Variants in KATNIP observed in about 807,000 individuals in gnomAD.
KATNIP encodes the protein katanin interacting protein.
A neutral mutation model predicts 174.0 loss-of-function variants in KATNIP; 126 were observed. The ratio of observed to expected loss-of-function variants is 0.72; its 90% CI spans 0.63 to 0.84. The LOEUF (loss-of-function observed/expected upper bound fraction) is 0.84. KATNIP is among the 40% of genes least tolerant of loss of function. KATNIP has a pLI of 0.00. For missense variants in KATNIP, 1,958 were observed against 2,109.7 expected (o/e 0.93, Z 1.41); for synonymous variants, 810 against 835.7 (o/e 0.97, Z 0.53).
At chr16:27,681,556 AG>A (rs2078342261) in intron 8 of KATNIP, 26 bp downstream of exon 8, 1 of 1,613,642 alleles carries the variant, frequency 6.2e-7, no homozygotes, top group African/African-American at 1.3e-5. Context: ...GCCCCTGAGC[AG>A]GGGAGCAGGG....
At chr16:27,733,579 ACACACAC>A (rs2143335466) in intron 14 of KATNIP, among the ~76,000 whole-genome samples, 1 of 144,184 alleles carries the variant, frequency 6.9e-6, no homozygotes, top group East Asian at 2.3e-4. Context: ...ACACACACAC[ACACACAC>A]ACACACACAC....
intron 1 of KATNIP, among the ~76,000 whole-genome samples, chr16:27,553,120 T>C (rs1030824636): frequency 1.3e-5 from 2 of 152,258 alleles, no homozygotes; most frequent in African/African-American, 4.8e-5. Flanking sequence ...TTTACCCATA[T>C]ATGGTTTTAT....
chr16:27,613,688 G>A (rs577550543), intron 2 of KATNIP, among the ~76,000 whole-genome samples: 3 of 152,250 alleles, frequency 2.0e-5, no homozygotes, highest in Non-Finnish European at 2.9e-5. Flanking sequence ...AAGGAGAATC[G>A]TGTATATGGA....
At chr16:27,680,536 G>GT (rs1452601314) in intron 7 of KATNIP, among the ~76,000 whole-genome samples, 8 of 152,170 alleles carry the variant, frequency 5.3e-5, no homozygotes, top group African/African-American at 1.9e-4. Context: ...TGTTTTGTTG[G>GT]TTTTTTCTGA....
At chr16:27,726,800 G>A (rs1376894023) in intron 14 of KATNIP, among the ~76,000 whole-genome samples, 4 of 152,210 alleles carry the variant, frequency 2.6e-5, no homozygotes, top group African/African-American at 9.6e-5. Context: ...TCCCCACAGG[G>A]CACAGCAGGA....
chr16:27,701,548 G>T, intron 10 of KATNIP, 41 bp from the exon 11 acceptor site: 4 of 1,476,982 alleles, frequency 2.7e-6, no homozygotes, highest in Non-Finnish European at 3.7e-6. Flanking sequence ...GGCCAGGAGT[G>T]TTGCCTGAGA....
At chr16:27,713,822 A>ATGTGTGTG (rs1261504841) in intron 13 of KATNIP, among the ~76,000 whole-genome samples, 4 of 40,772 alleles carry the variant, frequency 9.8e-5, no homozygotes, top group Non-Finnish European at 1.7e-4. Flanking sequence ...ATATATATAT[A>ATGTGTGTG]TATATATATA....
At chr16:27,675,132 A>G (rs1217103992) in intron 6 of KATNIP, among the ~76,000 whole-genome samples, 1 of 152,232 alleles carries the variant, frequency 6.6e-6, no homozygotes, top group Non-Finnish European at 1.5e-5. Flanking sequence ...GTAATTTATG[A>G]AGGAAAGAGG....
In KATNIP at chr16:27,750,089, T is replaced by C; in HGVS notation, c.3129T>C (p.Asp1043=). Residue 1043 remains aspartate, a synonymous_variant, in exon 16 of 28, where the codon GAT becomes GAC. Coordinates refer to ENST00000261588, the MANE Select transcript of KATNIP (RefSeq NM_015202.5). ...NLIDGVNRTQ[D]DMHVWLAPFT... is the part of the protein sequence containing the mutation. Reference sequence around the variant, plus strand: ...TCGACGGGGTGAACAGGACCCAGGATGACATGCATGTCTGGCTGGCCCCCT... The same window carrying C: ...TCGACGGGGTGAACAGGACCCAGGACGACATGCATGTCTGGCTGGCCCCCT... 6.2e-7 allele frequency: 1 copy of C among 1,614,198 alleles called. No homozygotes were observed. The highest frequency in any genetic ancestry group is 1.3e-5 in the African/African-American group (1 of 75,052).
intron 6 of KATNIP, among the ~76,000 whole-genome samples, chr16:27,669,930 T>C (rs984779911): frequency 3.9e-5 from 6 of 152,072 alleles, no homozygotes; most frequent in African/African-American, 1.4e-4. Context: ...TCAAGCAATC[T>C]TCCCACCTCC....
chr16:27,760,044 G>A (rs933292527), intron 18 of KATNIP, among the ~76,000 whole-genome samples: 5 of 152,294 alleles, frequency 3.3e-5, no homozygotes, highest in South Asian at 2.1e-4. Context: ...TGTCAGGGGC[G>A]TGGGAGAGAA....
chr16:27,732,834 G>A lies in KATNIP; in HGVS notation c.1744-7207G>A, dbSNP rs571943119. On this transcript the variant is annotated intron_variant, in intron 14 of 27. Coordinates refer to ENST00000261588, the MANE Select transcript of KATNIP (RefSeq NM_015202.5). The stretch of plus-strand genomic sequence containing the variant: ...TTCCCGTGCTGGAGCCAGCACTTCC[G>A]GGCAAAGAGCTAGGAAGGACAGCAA... 1.1e-3 allele frequency among the ~76,000 whole-genome samples: 166 copies of A among 152,300 alleles called. No homozygotes were observed. In the Middle Eastern group the frequency reaches 0.017, roughly 16 times the overall value.
At chr16:27,580,599 T>C (rs1414103365) in intron 2 of KATNIP, among the ~76,000 whole-genome samples, 1 of 152,214 alleles carries the variant, frequency 6.6e-6, no homozygotes, top group Admixed American at 6.5e-5. Context: ...TGTGTCCTTC[T>C]AGAAATATTC....
At position 27,759,297 on chromosome 16, in the gene KATNIP, G is replaced by C. The variant is rs191151578; in HGVS notation, c.3632-2116G>C. Reference sequence around the variant, plus strand: ...CATTCAGTGCTATAAACAACAAGGCGAGCAGGGTAAGGATGTAGAGAGTGA... The same window carrying C: ...CATTCAGTGCTATAAACAACAAGGCCAGCAGGGTAAGGATGTAGAGAGTGA... On this transcript the variant is annotated intron_variant, in intron 18 of 27. Transcript: ENST00000261588. 9.1e-4 allele frequency among the ~76,000 whole-genome samples: 139 copies of C among 152,288 alleles called. 1 individual carries two copies. Among genetic ancestry groups the C allele is most frequent in the Non-Finnish European group, 1.6e-4 (11 of 68,024 alleles).
In KATNIP at chr16:27,708,729, G is replaced by A. The variant is rs570650857; in HGVS notation, c.1414G>A (p.Glu472Lys). 1.9e-5 allele frequency: 30 copies of A among 1,613,838 alleles called. No individual in the cohort carries two copies. Among genetic ancestry groups the A allele is most frequent in the East Asian group, 6.7e-5 (3 of 44,860 alleles). Residue 472 changes from glutamate to lysine, a missense_variant, in exon 13 of 28, where the codon GAG (glutamate) becomes AAG (lysine). Glu to Lys is a moderately conservative substitution (Grantham distance 56). This residue lies in a region of KATNIP where 1,557 missense variants were observed against 1,617.8 expected (regional missense o/e 0.96). Transcript: ENST00000261588. ...TEDKQRMRAD[E>K]IKDAIYVTME... ...GGACAAACAGAGAATGAGGGCAGAC[G>A]AGATCAAAGATGCCATCTACGTGAC...
chr16:27,702,219 C>T (rs974694708), intron 11 of KATNIP, among the ~76,000 whole-genome samples: 2 of 152,076 alleles, frequency 1.3e-5, no homozygotes, highest in African/African-American at 2.4e-5. Flanking sequence ...GAACTTGAAC[C>T]TTCTCCAGGT....
In KATNIP at chr16:27,740,891, G is replaced by C; in HGVS notation, c.2594G>C (p.Ser865Thr). 1 of 1,603,584 alleles carries C rather than the reference G, an allele frequency of 6.2e-7. No individual in the cohort carries two copies. The highest frequency in any genetic ancestry group is 8.5e-7 in the Non-Finnish European group (1 of 1,175,536). Residue 865 changes from serine to threonine, a missense_variant, in exon 15 of 28, where the codon AGT (serine) becomes ACT (threonine). By Grantham distance (58) the Ser-to-Thr change is moderately conservative. Transcript: ENST00000261588. ...RGSRKDAGSS[S>T]HGDDQPASRE... The stretch of plus-strand genomic sequence containing the variant: ...TCAAGGAAGGATGCTGGCAGCAGTA[G>C]TCATGGGGACGACCAGCCAGCCAGC...
At chr16:27,666,853 C>T (rs990960786) in intron 6 of KATNIP, among the ~76,000 whole-genome samples, 5 of 152,160 alleles carry the variant, frequency 3.3e-5, no homozygotes, top group Admixed American at 6.5e-5. Flanking sequence ...TTATTATGGA[C>T]GTGGACTGGC....
Position 27,701,732 on chromosome 16 carries a change from A to G in KATNIP, c.1286+37A>G, listed in dbSNP as rs1339568701. 3.6e-6 allele frequency: 5 copies of G among 1,393,354 alleles called. No individual in the cohort carries two copies. In the African/African-American group the frequency reaches 4.3e-5, roughly 12 times the overall value. The allele number at this position is 1,393,354 out of a possible 1,614,324, so 86.3% of individuals were successfully genotyped here. A position where few individuals can be genotyped will look rare whatever the true frequency, so the allele number is the denominator to read the frequency against. On this transcript the variant is annotated intron_variant, in intron 11 of 27. Coordinates refer to ENST00000261588, the MANE Select transcript of KATNIP (RefSeq NM_015202.5). The stretch of plus-strand genomic sequence containing the variant: ...GCTGAGGCCAAACCCGAAACCCCTT[A>G]GCAGTGCAGCCATGGGGATCTTCTT...
Sources: allele counts gnomAD v4.1 joint callset (sites outside exome capture counted in the v4.1 genomes callset), GRCh38; gene constraint gnomAD v4.1.1; regional missense constraint gnomAD v4.1.1; transcripts MANE v1.5; gene names NCBI Gene and HGNC (gene_info 2026-07-23, HGNC 2026-07-21).